AP4S1: variants seen among roughly 807,000 people sequenced by gnomAD.
AP4S1 encodes AP-4 complex subunit sigma-1.
Under a neutral mutation model 19.8 loss-of-function variants are expected in AP4S1, and 23 were observed. That is an observed-to-expected ratio of 1.16 (90% CI 0.84 to 1.65). The LOEUF (loss-of-function observed/expected upper bound fraction) is 1.65, where lower values mean the gene tolerates loss of function less well. Ranked by LOEUF, AP4S1 falls within the 40% of genes most tolerant of loss-of-function variation. The probability of loss-of-function intolerance (pLI) is 0.00; values close to 1 mark genes in which losing one functional copy is unlikely to be tolerated. For missense variants in AP4S1, 166 were observed against 172.8 expected, an observed-to-expected ratio of 0.96 and a Z score of 0.22; for synonymous variants, 46 against 54.1, an observed-to-expected ratio of 0.85 and a Z score of 0.66.
At chr14:31,033,299 T>C (rs1884519653) in intron 1 of AP4S1, among the ~76,000 whole-genome samples, 1 of 152,058 alleles carries the variant, frequency 6.6e-6, no homozygotes. Context: ...CTGCAACCTC[T>C]GCCTCCCGTG....
chr14:31,072,542 T>A (rs1887070612), intron 3 of AP4S1, among the ~76,000 whole-genome samples: 1 of 152,114 alleles, frequency 6.6e-6, no homozygotes, highest in Non-Finnish European at 1.5e-5. Flanking sequence ...GGCTAGTTTT[T>A]AAGTTTTTTA....
chr14:31,079,737 G>A (rs1053475189), intron 4 of AP4S1, among the ~76,000 whole-genome samples: 3 of 152,074 alleles, frequency 2.0e-5, no homozygotes, highest in Admixed American at 6.6e-5. Flanking sequence ...GAGGTGGGAG[G>A]ATCGCTTGAA....
chr14:31,030,297 G>A (rs890883640), intron 1 of AP4S1, among the ~76,000 whole-genome samples: 1 of 152,140 alleles, frequency 6.6e-6, no homozygotes, highest in Non-Finnish European at 1.5e-5. Flanking sequence ...CACCATCTGT[G>A]TACTGATCAG....
At chr14:31,077,608 C>T (rs1391202159) in intron 4 of AP4S1, among the ~76,000 whole-genome samples, 1 of 152,116 alleles carries the variant, frequency 6.6e-6, no homozygotes, top group East Asian at 1.9e-4. Flanking sequence ...GGTCAAGGCC[C>T]AGAAATCTGT....
Position 31,069,963 on chromosome 14 carries a change from G to T in AP4S1, c.225+34G>T, listed in dbSNP as rs781691233. 3.6e-5 allele frequency: 55 copies of T among 1,532,206 alleles called. No individual in the cohort carries two copies. In the South Asian group the frequency reaches 5.8e-4, roughly 16 times the overall value. 94.9% of individuals were successfully genotyped at this position (1,532,206 alleles called of 1,614,324 possible). ...ATAGAAGAGCCCTTGGAAAATGCAA[G>T]AATTTCTTTCTACTTGCCTCCCTAA... On this transcript the variant is annotated intron_variant, in intron 3 of 5. Transcript: ENST00000542754.
intron 1 of AP4S1, among the ~76,000 whole-genome samples, chr14:31,047,494 T>C (rs1235080346): frequency 6.6e-6 from 1 of 151,598 alleles, no homozygotes; most frequent in East Asian, 1.9e-4. Flanking sequence ...TTCACGCCGT[T>C]CTCCTGCCTC....
chr14:31,030,963 C>T (rs1373861858), intron 1 of AP4S1, among the ~76,000 whole-genome samples: 2 of 152,016 alleles, frequency 1.3e-5, no homozygotes, highest in East Asian at 1.9e-4. Flanking sequence ...CTCTGTGTTC[C>T]GACCCAAATC....
chr14:31,060,177 C>A (rs561869832), intron 1 of AP4S1, among the ~76,000 whole-genome samples: 1 of 151,734 alleles, frequency 6.6e-6, no homozygotes, highest in South Asian at 2.1e-4. Context: ...TTGAACTGCA[C>A]GGATCCATTT....
At chr14:31,085,495 C>G in intron 5 of AP4S1, 1 of 985,940 alleles carries the variant, frequency 1.0e-6, no homozygotes, top group Non-Finnish European at 1.2e-6. Flanking sequence ...ATCTTTAGAC[C>G]GGGCACAGTG....
rs1887311063 is a variant in AP4S1 at position 31,075,608 on chromosome 14, CAT to C, written c.294+2636_294+2637del. On this transcript the variant is annotated intron_variant, in intron 4 of 5. Coordinates refer to ENST00000542754, the MANE Select transcript of AP4S1 (RefSeq NM_001128126.3). ...ATTTCATATAAATAGAATTGTACAA[CAT>C]GTGATTTTTGTGTGACTGGCTTCTT... is the stretch of plus-strand genomic sequence containing the variant. Among the ~76,000 whole-genome samples the C allele has an allele frequency of 2.6e-5, 4 of 152,200 alleles. No individual in the cohort carries two copies. The South Asian group carries it at 6.2e-4, about 24-fold the overall frequency.
chr14:31,061,457 A>G (rs1886435006), intron 1 of AP4S1, among the ~76,000 whole-genome samples: 1 of 152,296 alleles, frequency 6.6e-6, no homozygotes, highest in East Asian at 1.9e-4. Context: ...AGCATTTAGC[A>G]AACTGACTCT....
chr14:31,076,971 G>C (rs1279681163), intron 4 of AP4S1, among the ~76,000 whole-genome samples: 1 of 152,108 alleles, frequency 6.6e-6, no homozygotes, highest in Non-Finnish European at 1.5e-5. Flanking sequence ...TGCTCTTGTT[G>C]CCCAGGTTGG....
chr14:31,091,199 G>A (rs530817865), intron 5 of AP4S1, among the ~76,000 whole-genome samples: 1 of 152,290 alleles, frequency 6.6e-6, no homozygotes, highest in East Asian at 1.9e-4. Flanking sequence ...TAATTCATGG[G>A]TTAAAATTAG....
chr14:31,071,642 T>C (rs1376008043), intron 3 of AP4S1, among the ~76,000 whole-genome samples: 2 of 151,984 alleles, frequency 1.3e-5, no homozygotes, highest in African/African-American at 4.8e-5. Flanking sequence ...ATGGTCTCGA[T>C]CTCCTGACCT....
intron 4 of AP4S1, among the ~76,000 whole-genome samples, chr14:31,079,317 T>TGTATTCCCATG: frequency 6.6e-6 from 1 of 152,284 alleles, no homozygotes; most frequent in South Asian, 2.1e-4. Flanking sequence ...TAGTTATGCA[T>TGTATTCCCATG]TTGTCTAAAC....
intron 1 of AP4S1, among the ~76,000 whole-genome samples, chr14:31,059,077 T>C (rs1886290069): frequency 6.6e-6 from 1 of 152,176 alleles, no homozygotes; most frequent in African/African-American, 2.4e-5. Context: ...TGTGTACTTG[T>C]CTCTTGAGTC....
Position 31,096,408 on chromosome 14 carries a change from CAG to C in AP4S1, c.*3375_*3376del, listed in dbSNP as rs1245163008. The C allele has an allele frequency of 6.6e-6, 1 of 152,096 alleles. No individual in the cohort carries two copies. Among genetic ancestry groups the C allele is most frequent in the Admixed American group, 6.6e-5 (1 of 15,248 alleles). The allele number at this position is 152,096 out of a possible 1,614,324, so 9.4% of individuals were successfully genotyped here. On this transcript the variant is annotated 3_prime_UTR_variant, in exon 6 of 6. Transcript: ENST00000542754. ...TCAACTGAGGTCCCAAAATATTAAA[CAG>C]AAAATTCCAGAAATAAACAATGTAT...
intron 4 of AP4S1, 115 bp from the exon 5 acceptor site, chr14:31,080,458 G>A: frequency 1.2e-6 from 1 of 829,044 alleles, no homozygotes; most frequent in Non-Finnish European, 2.0e-6. Context: ...AAGCCCAGAA[G>A]CAGGTAGGAG....
intron 1 of AP4S1, among the ~76,000 whole-genome samples, chr14:31,034,923 A>C (rs1884637863): frequency 6.6e-6 from 1 of 151,920 alleles, no homozygotes. Flanking sequence ...CACCGTGGCC[A>C]GCCCCACTTA....
Sources: allele counts gnomAD v4.1 joint callset (sites outside exome capture counted in the v4.1 genomes callset), GRCh38; gene constraint gnomAD v4.1.1; transcripts MANE v1.5; gene names NCBI Gene and HGNC (gene_info 2026-07-23, HGNC 2026-07-21).